The following SBF2 variants were observed in gnomAD, a reference collection of about 807,000 sequenced individuals.
SBF2 encodes SET binding factor 2.
SBF2 carries 112 observed loss-of-function variants against 225.2 expected under a neutral mutation model. That is an observed-to-expected ratio of 0.50 (90% CI 0.43 to 0.58). The LOEUF (loss-of-function observed/expected upper bound fraction) is 0.58, where lower values mean the gene tolerates loss of function less well. Among genes scored for constraint, SBF2 ranks in the 20% least tolerant of loss-of-function variants. The pLI, the probability that SBF2 is intolerant of heterozygous loss-of-function variation, is 0.00. For missense variants in SBF2, 1,996 were observed against 2,206.2 expected (o/e 0.90, Z 1.91); for synonymous variants, 763 against 773.3 (o/e 0.99, Z 0.22).
intron 1 of SBF2, among the ~76,000 whole-genome samples, chr11:10,228,908 G>C (rs1267021014): frequency 1.3e-5 from 2 of 151,786 alleles, no homozygotes; most frequent in Non-Finnish European, 2.9e-5. Context: ...GCTCCTCCTT[G>C]TACCTCTGGT....
intron 2 of SBF2, among the ~76,000 whole-genome samples, chr11:10,043,923 A>G (rs1044872778): frequency 2.6e-5 from 4 of 152,208 alleles, no homozygotes; most frequent in Admixed American, 1.3e-4. Context: ...CTCAAGAGAA[A>G]TTTAAAAAAT....
At chr11:9,946,637 A>C (rs2134312365) in intron 16 of SBF2, among the ~76,000 whole-genome samples, 1 of 152,078 alleles carries the variant, frequency 6.6e-6, no homozygotes, top group Non-Finnish European at 1.5e-5. Flanking sequence ...TTTAATAAAG[A>C]TGGAGTTTCT....
intron 32 of SBF2, 68 bp from the exon 33 acceptor site, chr11:9,796,025 AAG>A: frequency 3.4e-6 from 5 of 1,486,640 alleles, no homozygotes; most frequent in Non-Finnish European, 3.7e-6. Context: ...CAGGCCACTG[AAG>A]GCTTAACTGA....
chr11:9,886,281 C>G (rs1441634018), intron 17 of SBF2, among the ~76,000 whole-genome samples: 1 of 152,168 alleles, frequency 6.6e-6, no homozygotes, highest in Non-Finnish European at 1.5e-5. Context: ...GCAACTTCAC[C>G]TGATCTTCAC....
chr11:10,251,001 T>C (rs1383449843), intron 1 of SBF2, among the ~76,000 whole-genome samples: 1 of 152,212 alleles, frequency 6.6e-6, no homozygotes, highest in Non-Finnish European at 1.5e-5. Flanking sequence ...TAGACTCTTA[T>C]CTTCGAATAT....
chr11:9,858,209 C>A lies in SBF2; in HGVS notation c.2100+17G>T. The A allele has an allele frequency of 1.2e-6, 2 of 1,613,814 alleles. No homozygotes were observed. On this transcript the variant is annotated intron_variant, in intron 18 of 39. Coordinates refer to ENST00000256190, the MANE Select transcript of SBF2 (RefSeq NM_030962.4). ...ATCCTAATCCCACACAATTAGAGTTCTTTTCTTCTCTCTTACCTTTTGCTT... is the reference window on the plus strand; with the variant it reads ...ATCCTAATCCCACACAATTAGAGTTATTTTCTTCTCTCTTACCTTTTGCTT...
At chr11:10,226,831 T>C (rs1168898563) in intron 1 of SBF2, among the ~76,000 whole-genome samples, 1 of 152,214 alleles carries the variant, frequency 6.6e-6, no homozygotes, top group Non-Finnish European at 1.5e-5. Context: ...TTATAATCCT[T>C]TGGGTATATA....
intron 7 of SBF2, 108 bp from the exon 8 acceptor site, chr11:10,001,130 T>C (rs1947938445): frequency 3.0e-6 from 2 of 671,904 alleles, no homozygotes; most frequent in African/African-American, 3.6e-5. Context: ...TTAGAAATTA[T>C]CAATAATGTT....
intron 1 of SBF2, among the ~76,000 whole-genome samples, chr11:10,198,279 G>C (rs1346600543): frequency 6.6e-6 from 1 of 152,176 alleles, no homozygotes; most frequent in Non-Finnish European, 1.5e-5. Flanking sequence ...TGTGTTAGCA[G>C]GCATGAAAAC....
chr11:10,010,362 T>C (rs1190346911), intron 6 of SBF2, among the ~76,000 whole-genome samples: 1 of 152,248 alleles, frequency 6.6e-6, no homozygotes, highest in African/African-American at 2.4e-5. Context: ...AGGGTTTTAA[T>C]GGTTTTAAGT....
chr11:9,891,869 A>G (rs910533719), intron 17 of SBF2, among the ~76,000 whole-genome samples: 6 of 152,214 alleles, frequency 3.9e-5, no homozygotes, highest in Non-Finnish European at 7.3e-5. Context: ...GAACACTCTG[A>G]CACTAAATAA....
At chr11:10,203,944 G>C (rs1565351614) in intron 1 of SBF2, among the ~76,000 whole-genome samples, 1 of 151,940 alleles carries the variant, frequency 6.6e-6, no homozygotes, top group Non-Finnish European at 1.5e-5. Flanking sequence ...GGAGGGAATG[G>C]AGATATATCT....
At chr11:10,093,300 C>A (rs1951859670) in intron 2 of SBF2, among the ~76,000 whole-genome samples, 1 of 151,612 alleles carries the variant, frequency 6.6e-6, no homozygotes, top group Admixed American at 6.6e-5. Flanking sequence ...TAGGTTTGAG[C>A]CACTGTGCCC....
chr11:9,794,002 G>C (rs1174454594), intron 33 of SBF2, among the ~76,000 whole-genome samples: 1 of 152,164 alleles, frequency 6.6e-6, no homozygotes, highest in Non-Finnish European at 1.5e-5. Flanking sequence ...GGGCAAGATG[G>C]CAGAACCCTA....
chr11:10,072,861 A>ACT (rs1478507813), intron 2 of SBF2, among the ~76,000 whole-genome samples: 3 of 151,322 alleles, frequency 2.0e-5, no homozygotes, highest in African/African-American at 7.3e-5. Flanking sequence ...AGTAGCTAGG[A>ACT]CTACAGATGC....
intron 16 of SBF2, among the ~76,000 whole-genome samples, chr11:9,935,467 T>C (rs1016816997): frequency 6.6e-6 from 1 of 152,146 alleles, no homozygotes; most frequent in Non-Finnish European, 1.5e-5. Context: ...TTAAAGTTCA[T>C]ATGGAACCAA....
chr11:9,835,736 T>C (rs1366946974), intron 26 of SBF2, among the ~76,000 whole-genome samples: 1 of 152,140 alleles, frequency 6.6e-6, no homozygotes, highest in Non-Finnish European at 1.5e-5. Context: ...TATTCTTTCA[T>C]GTTTGGCTTC....
chr11:10,289,240 G>C (rs533807460), intron 1 of SBF2, among the ~76,000 whole-genome samples: 2 of 152,344 alleles, frequency 1.3e-5, no homozygotes, highest in African/African-American at 4.8e-5. Context: ...CCTGGCCCCT[G>C]AGAGTGCAAA....
intron 6 of SBF2, among the ~76,000 whole-genome samples, chr11:10,013,204 C>T (rs916165220): frequency 2.0e-5 from 3 of 152,182 alleles, no homozygotes; most frequent in African/African-American, 7.2e-5. Flanking sequence ...GACTGTAATT[C>T]AGACAGGCAT....
Sources: allele counts gnomAD v4.1 joint callset (sites outside exome capture counted in the v4.1 genomes callset), GRCh38; gene constraint gnomAD v4.1.1; transcripts MANE v1.5; gene names NCBI Gene and HGNC (gene_info 2026-07-23, HGNC 2026-07-21).